Variants in DESI2 observed in about 807,000 individuals in gnomAD.
DESI2 encodes the protein desumoylating isopeptidase 2.
Under a neutral mutation model 24.1 loss-of-function variants are expected in DESI2, and 10 were observed. That is an observed-to-expected ratio of 0.41 (90% CI 0.26 to 0.70). The LOEUF (loss-of-function observed/expected upper bound fraction) is 0.70. DESI2 is among the 30% of genes least tolerant of loss of function. The probability of loss-of-function intolerance (pLI) is 0.29; values close to 1 mark genes in which losing one functional copy is unlikely to be tolerated. For synonymous variants in DESI2, 71 were observed against 87.7 expected, an observed-to-expected ratio of 0.81 and a Z score of 1.06; for missense variants, 122 against 234.9, an observed-to-expected ratio of 0.52 and a Z score of 3.14.
At chr1:244,661,486 T>C (rs1041334395) in intron 1 of DESI2, among the ~76,000 whole-genome samples, 1 of 152,174 alleles carries the variant, frequency 6.6e-6, no homozygotes, top group African/African-American at 2.4e-5. Context: ...TGTATACATG[T>C]GCCGTGTTGG....
Position 244,708,714 on chromosome 1 carries a change from T to G in DESI2, c.*2925T>G, listed in dbSNP as rs527408001. The G allele has an allele frequency of 6.5e-6, 1 of 152,748 alleles. No individual in the cohort carries two copies. Among genetic ancestry groups the G allele is most frequent in the East Asian group, 1.9e-4 (1 of 5,192 alleles). 9.5% of individuals were successfully genotyped at this position (152,748 alleles called of 1,614,324 possible). On this transcript the variant is annotated 3_prime_UTR_variant, in exon 5 of 5. Coordinates refer to ENST00000302550, the MANE Select transcript of DESI2 (RefSeq NM_016076.5). ...TTCTTTCTTTAAAAGATTTAGATGT[T>G]TTTTCAGCAAGCTAGCCATACAACC...
At chr1:244,691,198 T>G (rs1677016045) in intron 3 of DESI2, among the ~76,000 whole-genome samples, 1 of 152,184 alleles carries the variant, frequency 6.6e-6, no homozygotes, top group East Asian at 1.9e-4. Flanking sequence ...AAGCGATTCT[T>G]CCGCCTCAGC....
At chr1:244,662,933 T>C (rs148108356) in intron 1 of DESI2, among the ~76,000 whole-genome samples, 13 of 152,172 alleles carry the variant, frequency 8.5e-5, no homozygotes, top group African/African-American at 2.7e-4. Flanking sequence ...GTAGATTCAG[T>C]AGGATCATTG....
intron 1 of DESI2, among the ~76,000 whole-genome samples, chr1:244,656,855 A>G (rs1463918897): frequency 6.6e-6 from 1 of 152,084 alleles, no homozygotes; most frequent in Non-Finnish European, 1.5e-5. Flanking sequence ...GCTCACAGCA[A>G]CCTCTGCCTC....
chr1:244,655,415 A>T (rs1048316725), intron 1 of DESI2, among the ~76,000 whole-genome samples: 10 of 152,226 alleles, frequency 6.6e-5, no homozygotes, highest in African/African-American at 2.4e-4. Flanking sequence ...GAATTATTAG[A>T]CTTTTAATAA....
chr1:244,702,413 C>T (rs184173842), intron 4 of DESI2, among the ~76,000 whole-genome samples: 30 of 152,280 alleles, frequency 2.0e-4, no homozygotes, highest in Admixed American at 1.9e-3. Context: ...ACTCGGGAGG[C>T]TGAGGCAAGA....
intron 1 of DESI2, among the ~76,000 whole-genome samples, chr1:244,673,212 AATAG>A (rs1200442586): frequency 6.6e-6 from 1 of 152,138 alleles, no homozygotes; most frequent in Non-Finnish European, 1.5e-5. Flanking sequence ...GTTCTCTAAT[AATAG>A]ATCTAGGAAG....
intron 4 of DESI2, among the ~76,000 whole-genome samples, chr1:244,693,426 T>C (rs1677097627): frequency 1.4e-5 from 2 of 144,904 alleles, no homozygotes; most frequent in South Asian, 4.7e-4. Flanking sequence ...GAGTGCTGAA[T>C]TGTTTGTTCT....
chr1:244,677,604 C>CA (rs1212138905), intron 1 of DESI2, among the ~76,000 whole-genome samples: 1 of 151,986 alleles, frequency 6.6e-6, no homozygotes, highest in Non-Finnish European at 1.5e-5. Flanking sequence ...ACAGAGCCTT[C>CA]AAAAAAATAA....
intron 3 of DESI2, among the ~76,000 whole-genome samples, chr1:244,691,396 TTC>T (rs1444035619): frequency 6.7e-6 from 1 of 150,280 alleles, no homozygotes; most frequent in Admixed American, 6.6e-5. Flanking sequence ...GCCAGGGTCC[TTC>T]TTTTTAAAAA....
chr1:244,653,218 C>T lies in DESI2; in HGVS notation c.-96C>T, dbSNP rs1675520436. On this transcript the variant is annotated 5_prime_UTR_variant, in exon 1 of 5. Coordinates refer to ENST00000302550, the MANE Select transcript of DESI2 (RefSeq NM_016076.5). ...GCCGGGCTGTACGCTTAGTGCCCGG[C>T]TCAGGCCCCCTGAAGCGCCCGCGGG... 2 of 1,311,652 alleles carry T rather than the reference C, an allele frequency of 1.5e-6. No homozygotes were observed. The highest frequency in any genetic ancestry group is 2.0e-6 in the Non-Finnish European group (2 of 992,868). The allele number at this position is 1,311,652 out of a possible 1,614,324, so 81.3% of individuals were successfully genotyped here.
In DESI2 at chr1:244,706,819, C is replaced by T. The variant is rs1573242293; in HGVS notation, c.*1030C>T. On this transcript the variant is annotated 3_prime_UTR_variant, in exon 5 of 5. Coordinates refer to ENST00000302550, the MANE Select transcript of DESI2 (RefSeq NM_016076.5). ...TACCATGTCAGAAAGAGTATGTTGG[C>T]GTTTGTCATGGGACTCATTTCACAT... The T allele has an allele frequency of 6.6e-6, 1 of 152,592 alleles. No homozygotes were observed. Among genetic ancestry groups the T allele is most frequent in the African/African-American group, 2.4e-5 (1 of 41,442 alleles). 9.5% of individuals were successfully genotyped at this position (152,592 alleles called of 1,614,324 possible). A position where few individuals can be genotyped will look rare whatever the true frequency, so the allele number is the denominator to read the frequency against.
At position 244,707,014 on chromosome 1, in the gene DESI2, T is replaced by G. The variant is rs537550465; in HGVS notation, c.*1225T>G. On this transcript the variant is annotated 3_prime_UTR_variant, in exon 5 of 5. Transcript: ENST00000302550. The stretch of plus-strand genomic sequence containing the variant: ...AGCAAGGAATCTGTCTGCTCCAGTC[T>G]ACTCCTAGTTTGATCCTTGGATGTA... 4 of 152,794 alleles carry G rather than the reference T, an allele frequency of 2.6e-5. No homozygotes were observed. The South Asian group carries it at 8.3e-4, about 32-fold the overall frequency. The allele number at this position is 152,794 out of a possible 1,614,324, so 9.5% of individuals were successfully genotyped here.
Position 244,707,610 on chromosome 1 carries a change from C to G in DESI2, c.*1821C>G, listed in dbSNP as rs927509514. 3.3e-5 allele frequency: 5 copies of G among 152,310 alleles called. No homozygotes were observed. Among genetic ancestry groups the G allele is most frequent in the East Asian group, 1.9e-4 (1 of 5,198 alleles). 9.4% of individuals were successfully genotyped at this position (152,310 alleles called of 1,614,324 possible). ...GAGTCCTGTCCCCAGACGGTTAGTA[C>G]AAAGCCTTGGATACAGTTTGCTTGT... On this transcript the variant is annotated 3_prime_UTR_variant, in exon 5 of 5. Coordinates refer to ENST00000302550, the MANE Select transcript of DESI2 (RefSeq NM_016076.5).
chr1:244,702,211 A>G (rs1334889858), intron 4 of DESI2, among the ~76,000 whole-genome samples: 2 of 152,182 alleles, frequency 1.3e-5, no homozygotes, highest in Admixed American at 6.5e-5. Flanking sequence ...TCATGACTCA[A>G]AGTTTTAAAA....
At chr1:244,696,393 G>T (rs11586525) in intron 4 of DESI2, among the ~76,000 whole-genome samples, 2 of 152,060 alleles carry the variant, frequency 1.3e-5, no homozygotes, top group African/African-American at 4.8e-5. Context: ...AGGCTGAGGC[G>T]GGTAGGTTGC....
chr1:244,670,262 T>G (rs1450647993), intron 1 of DESI2, among the ~76,000 whole-genome samples: 2 of 152,218 alleles, frequency 1.3e-5, no homozygotes, highest in African/African-American at 2.4e-5. Flanking sequence ...CGGCAGAATA[T>G]AAATAATTCT....
intron 4 of DESI2, chr1:244,694,478 T>C: frequency 1.3e-6 from 1 of 791,098 alleles, no homozygotes. Context: ...GTTTAGGTGG[T>C]GTTCCTTCAC....
chr1:244,695,962 G>A (rs1677200373), intron 4 of DESI2, among the ~76,000 whole-genome samples: 1 of 152,070 alleles, frequency 6.6e-6, no homozygotes, highest in Non-Finnish European at 1.5e-5. Context: ...TGAAGATGGA[G>A]TTGCATTATA....
Sources: allele counts gnomAD v4.1 joint callset (sites outside exome capture counted in the v4.1 genomes callset), GRCh38; gene constraint gnomAD v4.1.1; transcripts MANE v1.5; gene names NCBI Gene and HGNC (gene_info 2026-07-23, HGNC 2026-07-21).